The following GPRC6A variants were observed in gnomAD, a reference collection of about 807,000 sequenced individuals.
GPRC6A encodes the protein G protein-coupled receptor family C group 6 member A.
A neutral mutation model predicts 47.0 loss-of-function variants in GPRC6A; 54 were observed. The ratio of observed to expected loss-of-function variants is 1.15; its 90% CI spans 0.92 to 1.44. The LOEUF (loss-of-function observed/expected upper bound fraction) is 1.44. Among genes scored for constraint, GPRC6A ranks in the 40% most tolerant of loss-of-function variants. The pLI is 0.00. For missense variants in GPRC6A, 1,112 were observed against 1,105.5 expected, an observed-to-expected ratio of 1.01 and a Z score of -0.08; for synonymous variants, 347 against 377.1, an observed-to-expected ratio of 0.92 and a Z score of 0.93.
chr6:116,795,852 A>G lies in GPRC6A; in HGVS notation c.1549-17T>C. 6.5e-7 allele frequency: 1 copy of G among 1,541,712 alleles called. No homozygotes were observed. Among genetic ancestry groups the G allele is most frequent in the Non-Finnish European group, 8.8e-7 (1 of 1,134,422 alleles). ...TTGAATTTGCTATATTAAAAGTGAAAAAAAAAATCACAAGTAAATTTGTAA... is the reference window on the plus strand; with the variant it reads ...TTGAATTTGCTATATTAAAAGTGAAGAAAAAAATCACAAGTAAATTTGTAA... On this transcript the variant is annotated splice_polypyrimidine_tract_variant and intron_variant, in intron 4 of 5. Transcript: ENST00000310357.
intron 1 of GPRC6A, among the ~76,000 whole-genome samples, chr6:116,821,426 A>G (rs1312479663): frequency 2.0e-5 from 3 of 152,116 alleles, no homozygotes; most frequent in Non-Finnish European, 4.4e-5. Flanking sequence ...AAAAGAACAA[A>G]GCTGGAGGCA....
intron 5 of GPRC6A, among the ~76,000 whole-genome samples, chr6:116,794,862 G>T (rs555901363): frequency 3.5e-4 from 54 of 152,192 alleles, no homozygotes; most frequent in African/African-American, 1.3e-3. Flanking sequence ...CATTTTTTGT[G>T]TGACACATAA....
intron 2 of GPRC6A, 133 bp from the exon 3 acceptor site, chr6:116,807,339 T>C (rs1192711142): frequency 1.6e-6 from 1 of 634,492 alleles, no homozygotes; most frequent in East Asian, 2.6e-5. Flanking sequence ...TTCATCCTTC[T>C]CCTTACTTAG....
At chr6:116,818,935 T>C (rs1044721949) in intron 1 of GPRC6A, among the ~76,000 whole-genome samples, 62 of 152,068 alleles carry the variant, frequency 4.1e-4, no homozygotes, top group African/African-American at 5.3e-4. Flanking sequence ...GAGTCAAGAC[T>C]CATCAGTGTG....
chr6:116,807,334 C>T (rs986963898), intron 2 of GPRC6A, 128 bp from the exon 3 acceptor site: 7 of 643,972 alleles, frequency 1.1e-5, no homozygotes, highest in Non-Finnish European at 1.9e-5. Context: ...TCTTTTTCAT[C>T]CTTCTCCTTA....
At chr6:116,795,216 C>T (rs1772440752) in intron 5 of GPRC6A, among the ~76,000 whole-genome samples, 1 of 152,174 alleles carries the variant, frequency 6.6e-6, no homozygotes, top group African/African-American at 2.4e-5. Flanking sequence ...CCTTGTCTCA[C>T]AGAAGTTTCT....
intron 3 of GPRC6A, among the ~76,000 whole-genome samples, chr6:116,803,921 C>T (rs2114590997): frequency 1.3e-5 from 2 of 152,160 alleles, no homozygotes; most frequent in Middle Eastern, 6.8e-3. Flanking sequence ...TAATCAGCCC[C>T]TTACTTGTTT....
intron 1 of GPRC6A, among the ~76,000 whole-genome samples, chr6:116,818,623 G>T (rs1773335204): frequency 1.5e-5 from 2 of 134,184 alleles, no homozygotes; most frequent in African/African-American, 2.8e-5. Context: ...CATAAGCAAA[G>T]GAGAAATAAA....
At chr6:116,799,577 T>C (rs973867513) in intron 4 of GPRC6A, among the ~76,000 whole-genome samples, 1 of 152,186 alleles carries the variant, frequency 6.6e-6, no homozygotes, top group African/African-American at 2.4e-5. Flanking sequence ...ACAATTTCGA[T>C]GGATTGAAGA....
rs144049198 is a variant in GPRC6A at position 116,806,613 on chromosome 6, G to A, written c.1092C>T (p.Cys364=). ...TCAAATCAGTGTCCTTGACATATGCGCAGGCAGATAAATGCATGGCATATT... is the reference window on the plus strand; with the variant it reads ...TCAAATCAGTGTCCTTGACATATGCACAGGCAGATAAATGCATGGCATATT... ...LHEYAMHLSA[C]AYVKDTDLSQ... is the part of the protein sequence containing the mutation. Residue 364 remains cysteine (C), a synonymous_variant, in exon 3 of 6, where the codon TGC becomes TGT. Coordinates refer to ENST00000310357, the MANE Select transcript of GPRC6A (RefSeq NM_148963.4). 79 of 1,613,228 alleles carry A rather than the reference G, an allele frequency of 4.9e-5. No homozygotes were observed. Among genetic ancestry groups the A allele is most frequent in the African/African-American group, 2.5e-4 (19 of 74,974 alleles).
chr6:116,809,243 C>T (rs1772946546), intron 2 of GPRC6A, 71 bp downstream of exon 2: 1 of 1,277,768 alleles, frequency 7.8e-7, no homozygotes, highest in East Asian at 2.3e-5. Flanking sequence ...CTAGTTTCCT[C>T]AGGTTTCCCT....
intron 1 of GPRC6A, among the ~76,000 whole-genome samples, chr6:116,811,776 C>A (rs962092260): frequency 6.6e-6 from 1 of 151,732 alleles, no homozygotes; most frequent in African/African-American, 2.4e-5. Flanking sequence ...AACCTCTGAA[C>A]CTGAAGACAG....
intron 3 of GPRC6A, among the ~76,000 whole-genome samples, chr6:116,805,213 C>CAGGA (rs1209296361): frequency 6.6e-6 from 1 of 151,724 alleles, no homozygotes; most frequent in Admixed American, 6.6e-5. Context: ...CTAGTTTTAC[C>CAGGA]TCCTTATTAG....
intron 5 of GPRC6A, among the ~76,000 whole-genome samples, chr6:116,795,360 T>G (rs1381703348): frequency 6.6e-6 from 1 of 152,162 alleles, no homozygotes; most frequent in African/African-American, 2.4e-5. Context: ...GTATTTTTTT[T>G]GTACCTCAGT....
At chr6:116,811,333 G>T (rs1247502907) in intron 1 of GPRC6A, among the ~76,000 whole-genome samples, 1 of 151,932 alleles carries the variant, frequency 6.6e-6, no homozygotes. Flanking sequence ...TTAAAAATTG[G>T]AAGAAGCAAC....
chr6:116,804,729 G>T (rs1772785018), intron 3 of GPRC6A, among the ~76,000 whole-genome samples: 1 of 152,054 alleles, frequency 6.6e-6, no homozygotes, highest in East Asian at 1.9e-4. Flanking sequence ...TATCCTTGAA[G>T]TGTTTGAGAC....
At position 116,792,278 on chromosome 6, in the gene GPRC6A, T is replaced by C; in HGVS notation, c.2645A>G (p.Asn882Ser). Residue 882 changes from asparagine to serine, a missense_variant, in exon 6 of 6, where the codon AAT (asparagine) becomes AGT (serine). Asn to Ser is a conservative substitution (Grantham distance 46). Coordinates refer to ENST00000310357, the MANE Select transcript of GPRC6A (RefSeq NM_148963.4). The part of the protein sequence containing the change: ...DSMSGNVTMT[N>S]PSSSGKSATW... The stretch of plus-strand genomic sequence containing the variant: ...TGCAGACTTGCCACTAGAGCTGGGA[T>C]TGGTCATTGTGACATTGCCGCTCAT... The C allele has an allele frequency of 2.5e-6, 4 of 1,613,992 alleles. No homozygotes were observed. Among genetic ancestry groups the C allele is most frequent in the South Asian group, 1.1e-5 (1 of 91,072 alleles).
intron 3 of GPRC6A, 99 bp from the exon 4 acceptor site, chr6:116,800,895 A>C: frequency 1.4e-6 from 1 of 694,730 alleles, no homozygotes; most frequent in South Asian, 1.9e-5. Flanking sequence ...TATCACTTAA[A>C]AATGAGGGAA....
intron 3 of GPRC6A, among the ~76,000 whole-genome samples, chr6:116,804,896 T>C (rs1772790570): frequency 6.6e-6 from 1 of 152,058 alleles, no homozygotes; most frequent in Non-Finnish European, 1.5e-5. Flanking sequence ...TCTCTATTTC[T>C]CTTTCTCAAT....
Sources: allele counts gnomAD v4.1 joint callset (sites outside exome capture counted in the v4.1 genomes callset), GRCh38; gene constraint gnomAD v4.1.1; transcripts MANE v1.5; gene names NCBI Gene and HGNC (gene_info 2026-07-23, HGNC 2026-07-21).